Variants in GAS6 observed in about 807,000 individuals in gnomAD.
The protein encoded by GAS6 is growth arrest-specific protein 6.
In GAS6, 41 loss-of-function variants were observed where a neutral mutation model predicts 75.8. That is an observed-to-expected ratio of 0.54 (90% confidence interval 0.42 to 0.70). The LOEUF is 0.70. Ranked by LOEUF, GAS6 falls within the 30% of genes least tolerant of loss-of-function variation. The probability of loss-of-function intolerance (pLI) is 0.00; values close to 1 mark genes in which losing one functional copy is unlikely to be tolerated. For missense variants in GAS6, 854 were observed against 940.2 expected, an observed-to-expected ratio of 0.91 and a Z score of 1.20; for synonymous variants, 432 against 412.6, an observed-to-expected ratio of 1.05 and a Z score of -0.57.
rs200546417 is a variant in GAS6 at position 113,820,952 on chromosome 13, C to T, written c.1949G>A (p.Arg650Gln). 47 of 1,612,562 alleles carry T rather than the reference C, an allele frequency of 2.9e-5. No homozygotes were observed. The highest frequency in any genetic ancestry group is 3.3e-5 in the Non-Finnish European group (39 of 1,179,914). The change falls in exon 15 of 15, where the codon CGG (arginine) becomes CAG (glutamine). Residue 650 changes from arginine (R) to glutamine (Q), a missense_variant. Physicochemically the swap from Arg to Gln is conservative, Grantham distance 43. Transcript: ENST00000327773. ...CGCCTCGTCCAGGTCCAGCAGCCTC[C>T]GGTTGACCTCCAGTGTCATGCAGCC... ...YRGCMTLEVN[R>Q]RLLDLDEAAY...
chr13:113,846,435 G>T, intron 4 of GAS6, 92 bp downstream of exon 4: 1 of 1,063,216 alleles, frequency 9.4e-7, no homozygotes, highest in South Asian at 1.3e-5. Flanking sequence ...TTAAAAAACA[G>T]AACTATTCAG....
chr13:113,835,448 T>G (rs1181647079), intron 7 of GAS6, 65 bp downstream of exon 7: 4 of 1,578,524 alleles, frequency 2.5e-6, no homozygotes, highest in African/African-American at 1.4e-5. Context: ...GCTCGGGCAG[T>G]GACTGGCACC....
chr13:113,821,855 T>C, intron 14 of GAS6, 103 bp downstream of exon 14: 2 of 901,512 alleles, frequency 2.2e-6, no homozygotes, highest in South Asian at 1.8e-5. Flanking sequence ...CTCTTCCGCA[T>C]TCACTACCAG....
chr13:113,833,008 CT>C, intron 8 of GAS6: 3 of 1,397,010 alleles, frequency 2.1e-6, no homozygotes, highest in Non-Finnish European at 2.8e-6. Flanking sequence ...GCTCATTTCC[CT>C]TGACCCTTTA....
chr13:113,821,998 G>A lies in GAS6; in HGVS notation c.1842C>T (p.His614=), dbSNP rs2051466050. 7 of 1,552,274 alleles carry A rather than the reference G, an allele frequency of 4.5e-6. No individual in the cohort carries two copies. The highest frequency in any genetic ancestry group is 2.7e-5 in the African/African-American group (2 of 73,684). Residue 614 remains histidine, a synonymous_variant, in exon 14 of 15, where the codon CAC becomes CAT. Coordinates refer to ENST00000327773, the MANE Select transcript of GAS6 (RefSeq NM_000820.4). ...LQERLAVLER[H]LRSPVLTFAG... is the part of the protein sequence containing the mutation. ...CAAAGGTGAGCACGGGGCTCCGCAGGTGCCTCTCGAGCACGGCCAGCCTCT... is the reference window on the plus strand; with the variant it reads ...CAAAGGTGAGCACGGGGCTCCGCAGATGCCTCTCGAGCACGGCCAGCCTCT...
chr13:113,838,237 C>T (rs1356253568), intron 5 of GAS6, 46 bp from the exon 6 acceptor site: 1 of 1,607,840 alleles, frequency 6.2e-7, no homozygotes. Context: ...GGTGCACAGC[C>T]CCTGGCTACG....
Position 113,839,845 on chromosome 13 carries a change from G to T in GAS6, c.349C>A (p.Pro117Thr). Residue 117 changes from proline (P) to threonine (T), a missense_variant, in exon 5 of 15, where the codon CCT (proline) becomes ACT (threonine). Physicochemically the swap from Pro to Thr is conservative, Grantham distance 38 (BLOSUM62 -1). Coordinates refer to ENST00000327773, the MANE Select transcript of GAS6 (RefSeq NM_000820.4). ...SGFATCVQNL[P>T]DQCTPNPCDR... The stretch of plus-strand genomic sequence containing the variant: ...CAGGGGTTGGGCGTGCACTGGTCAG[G>T]CAGGTCTGATTGGGGACACAAAGTG... The T allele has an allele frequency of 1.5e-5, 25 of 1,613,856 alleles. No individual in the cohort carries two copies. Among genetic ancestry groups the T allele is most frequent in the Non-Finnish European group, 2.1e-5 (25 of 1,179,970 alleles).
chr13:113,824,159 CGCG>C (rs2051501318), intron 12 of GAS6, among the ~76,000 whole-genome samples: 1 of 86,856 alleles, frequency 1.2e-5, no homozygotes, highest in African/African-American at 8.7e-5. Flanking sequence ...GTCGGGAGCA[CGCG>C]TGGTCTGGGG....
At position 113,822,946 on chromosome 13, in the gene GAS6, C is replaced by T. The variant is rs555925711; in HGVS notation, c.1653+429G>A. The T allele has an allele frequency of 1.9e-3, 312 of 160,274 alleles. 1 individual carries two copies. The highest frequency in any genetic ancestry group is 2.5e-3 in the Non-Finnish European group (185 of 73,564). The allele number at this position is 160,274 out of a possible 1,614,324, so 9.9% of individuals were successfully genotyped here. On this transcript the variant is annotated intron_variant, in intron 13 of 14. Coordinates refer to ENST00000327773, the MANE Select transcript of GAS6 (RefSeq NM_000820.4). ...TTGTCCAAGGGGCAGCTGCACTCAG[C>T]TCCACCCGGTGTCCCCCACGGAAAG...
At chr13:113,838,523 G>A (rs187574002) in intron 5 of GAS6, among the ~76,000 whole-genome samples, 7,262 of 124,356 alleles carry the variant, frequency 0.058, 418 homozygotes, top group Non-Finnish European at 0.099. Flanking sequence ...GCCCAGCCCT[G>A]GAGCAGGGAG....
intron 2 of GAS6, among the ~76,000 whole-genome samples, chr13:113,851,236 T>C (rs2051871695): frequency 6.6e-6 from 1 of 151,766 alleles, no homozygotes; most frequent in Non-Finnish European, 1.5e-5. Context: ...GATGGATGAA[T>C]GAATAAAACA....
In GAS6 at chr13:113,835,505, G is replaced by T. The variant is rs1181553272; in HGVS notation, c.712+8C>A. The T allele has an allele frequency of 6.2e-7, 1 of 1,612,130 alleles. No homozygotes were observed. On this transcript the variant is annotated splice_region_variant and intron_variant, in intron 7 of 14. Coordinates refer to ENST00000327773, the MANE Select transcript of GAS6 (RefSeq NM_000820.4). ...GAGAAAGCGAGGGTGACCGCGTGGC[G>T]TGGGTACCTCGGCAAGCCTTCTCCT...
chr13:113,864,016 C>G lies in GAS6; in HGVS notation c.-96G>C. 1 of 1,018,822 alleles carries G rather than the reference C, an allele frequency of 9.8e-7. No homozygotes were observed. Among genetic ancestry groups the G allele is most frequent in the Non-Finnish European group, 1.2e-6 (1 of 854,838 alleles). The allele number at this position is 1,018,822 out of a possible 1,614,324, so 63.1% of individuals were successfully genotyped here. On this transcript the variant is annotated 5_prime_UTR_variant, in exon 1 of 15. Coordinates refer to ENST00000327773, the MANE Select transcript of GAS6 (RefSeq NM_000820.4). ...CTCCGGTCATCCCGTCCTGGCGGCCCTGAAGGTCACATCGCGGCGGCGGCG... is the reference window on the plus strand; with the variant it reads ...CTCCGGTCATCCCGTCCTGGCGGCCGTGAAGGTCACATCGCGGCGGCGGCG...
chr13:113,838,740 C>T (rs1300506600), intron 5 of GAS6, among the ~76,000 whole-genome samples: 4 of 146,108 alleles, frequency 2.7e-5, no homozygotes, highest in Non-Finnish European at 6.0e-5. Context: ...GGGAAGGAGC[C>T]GGGGGGGTGC....
In GAS6 at chr13:113,839,620, G is replaced by A. The variant is rs376139733; in HGVS notation, c.466+108C>T. On this transcript the variant is annotated intron_variant, in intron 5 of 14. Transcript: ENST00000327773. Reference sequence around the variant, plus strand: ...GGGCTGCAGCCTCCTTGGGGCTGTCGGAGAGCAGCCTGAGGATGGCCGTGC... The same window carrying A: ...GGGCTGCAGCCTCCTTGGGGCTGTCAGAGAGCAGCCTGAGGATGGCCGTGC... The A allele has an allele frequency of 6.1e-5, 88 of 1,445,576 alleles. No homozygotes were observed. In the African/African-American group the frequency reaches 7.3e-4, roughly 12 times the overall value. The allele number at this position is 1,445,576 out of a possible 1,614,324, so 89.5% of individuals were successfully genotyped here.
intron 8 of GAS6, 30 bp from the exon 9 acceptor site, chr13:113,832,782 G>A (rs1287126307): frequency 6.2e-7 from 1 of 1,611,888 alleles, no homozygotes; most frequent in South Asian, 1.1e-5. Context: ...CGCCGGTCGG[G>A]GATGTGGCCT....
In GAS6 at chr13:113,863,579, T is replaced by A; in HGVS notation, c.251A>T (p.Glu84Val). Reference protein sequence around the residue: ...EAREVFENDPETDYFYPRYLD... With the variant: ...EAREVFENDPVTDYFYPRYLD... The stretch of plus-strand genomic sequence containing the variant: ...TCCCGCCCGCCGGCTGCTCACCGTC[T>A]CGGGGTCGTTCTCGAACACCTCCCG... The change falls in exon 2 of 15, where the codon GAG becomes GTG. Residue 84 changes from glutamate (E) to valine (V), a missense_variant. Glu to Val is a moderately radical substitution (Grantham distance 121, BLOSUM62 -2). Transcript: ENST00000327773. The surrounding 1 kb of genome is among the most constrained non-coding windows in gnomAD (Gnocchi z 9.4). 1.3e-6 allele frequency: 2 copies of A among 1,513,340 alleles called. No individual in the cohort carries two copies. The highest frequency in any genetic ancestry group is 1.8e-6 in the Non-Finnish European group (2 of 1,133,590). The allele number at this position is 1,513,340 out of a possible 1,614,324, so 93.7% of individuals were successfully genotyped here.
chr13:113,861,399 C>G (rs560872971), intron 2 of GAS6, among the ~76,000 whole-genome samples: 1 of 152,322 alleles, frequency 6.6e-6, no homozygotes, highest in African/African-American at 2.4e-5. Context: ...GATGCTCTGA[C>G]AGTCACCATG....
Position 113,838,195 on chromosome 13 carries a change from G to A in GAS6, c.467-4C>T, listed in dbSNP as rs369142255. The A allele has an allele frequency of 3.1e-6, 5 of 1,612,250 alleles. No homozygotes were observed. The African/African-American group carries it at 5.3e-5, about 17-fold the overall frequency. ...TCCTGGCTGCATTCGTTGACATCTG[G>A]GAACAAGCACAGGCCTGAAGGGGAG... On this transcript the variant is annotated splice_polypyrimidine_tract_variant and splice_region_variant and intron_variant, in intron 5 of 14. Transcript: ENST00000327773.
Sources: allele counts gnomAD v4.1 joint callset (sites outside exome capture counted in the v4.1 genomes callset), GRCh38; gene constraint gnomAD v4.1.1; non-coding constraint Gnocchi (gnomAD v3.1); transcripts MANE v1.5; gene names NCBI Gene and HGNC (gene_info 2026-07-23, HGNC 2026-07-21).